USP37: variants seen among roughly 807,000 people sequenced by gnomAD.
The protein encoded by USP37 is ubiquitin carboxyl-terminal hydrolase 37.
USP37 carries 27 observed loss-of-function variants against 124.0 expected under a neutral mutation model. That is an observed-to-expected ratio of 0.22 (90% CI 0.16 to 0.30). The LOEUF is 0.30. Among genes scored for constraint, USP37 ranks in the 10% least tolerant of loss-of-function variants. The pLI, the probability that USP37 is intolerant of heterozygous loss-of-function variation, is 1.00. For synonymous variants in USP37, 365 were observed against 388.0 expected, an observed-to-expected ratio of 0.94 and a Z score of 0.70; for missense variants, 889 against 1,140.4, an observed-to-expected ratio of 0.78 and a Z score of 3.17.
In USP37 at chr2:218,455,616, C is replaced by T; in HGVS notation, c.2816G>A (p.Arg939Gln). The change falls in exon 25 of 26, where the codon CGA becomes CAA. Residue 939 changes from arginine to glutamine, a missense_variant. By Grantham distance (43) the Arg-to-Gln change is conservative. This residue lies in a region of USP37 where 504 missense variants were observed against 714.3 expected (regional missense o/e 0.71). Transcript: ENST00000258399. ...AAAGAAGATGTAGCCACTCCGATCT[C>T]GATCACTCTGCACGGCAGCCTCTTG... Reference protein sequence around the residue: ...KIQEAAVQSDRDRSGYIFFYM... With the variant: ...KIQEAAVQSDQDRSGYIFFYM... The T allele has an allele frequency of 6.2e-7, 1 of 1,614,060 alleles. No individual in the cohort carries two copies. Among genetic ancestry groups the T allele is most frequent in the Non-Finnish European group, 8.5e-7 (1 of 1,179,998 alleles).
At chr2:218,546,339 A>G (rs2106043766) in intron 7 of USP37, 41 bp from the exon 8 acceptor site, 1 of 1,446,622 alleles carries the variant, frequency 6.9e-7, no homozygotes, top group East Asian at 2.3e-5. Flanking sequence ...AAAAGCCACA[A>G]TTCATATCAC....
In USP37 at chr2:218,527,239, A is replaced by T. The variant is rs567091128; in HGVS notation, c.863+2717T>A. 2.0e-5 allele frequency among the ~76,000 whole-genome samples: 3 copies of T among 152,276 alleles called. No individual in the cohort carries two copies. In the South Asian group the frequency reaches 6.2e-4, roughly 32 times the overall value. Reference sequence around the variant, plus strand: ...TGCAGGTAACAGTAAAGCAGAGGCTAATCATTGTTGTCCCATTTTCATGTC... The same window carrying T: ...TGCAGGTAACAGTAAAGCAGAGGCTTATCATTGTTGTCCCATTTTCATGTC... On this transcript the variant is annotated intron_variant, in intron 10 of 25. Coordinates refer to ENST00000258399, the MANE Select transcript of USP37 (RefSeq NM_020935.3).
chr2:218,543,285 T>C (rs950547549), intron 8 of USP37, among the ~76,000 whole-genome samples: 9 of 149,234 alleles, frequency 6.0e-5, no homozygotes, highest in African/African-American at 2.2e-4. Flanking sequence ...GCAGATCACC[T>C]GAGCTCAGAA....
At chr2:218,460,399 C>T (rs542464840) in intron 22 of USP37, among the ~76,000 whole-genome samples, 109 of 152,086 alleles carry the variant, frequency 7.2e-4, no homozygotes, top group African/African-American at 2.3e-3. Flanking sequence ...GTGGGGAACA[C>T]GGGAGACATG....
At chr2:218,474,946 T>G (rs1196107702) in intron 19 of USP37, 61 bp from the exon 20 acceptor site, 1 of 1,516,630 alleles carries the variant, frequency 6.6e-7, no homozygotes. Context: ...CAATCTTAAT[T>G]AGTATTTAAA....
intron 14 of USP37, among the ~76,000 whole-genome samples, chr2:218,489,433 C>T (rs1691789013): frequency 6.6e-6 from 1 of 151,836 alleles, no homozygotes; most frequent in South Asian, 2.1e-4. Context: ...AGCCCCCTTG[C>T]ACATATCCTT....
rs963851146 is a variant in USP37 at position 218,454,062 on chromosome 2, G to A, written c.*868C>T. ...TTTGGTTGCAATCCATTAGGGTAAT[G>A]CTGCTCCATGGCAGAATGACAAAAA... On this transcript the variant is annotated 3_prime_UTR_variant, in exon 26 of 26. Coordinates refer to ENST00000258399, the MANE Select transcript of USP37 (RefSeq NM_020935.3). The A allele has an allele frequency of 2.0e-5, 3 of 152,518 alleles. No homozygotes were observed. The highest frequency in any genetic ancestry group is 4.4e-5 in the Non-Finnish European group (3 of 68,042). The allele number at this position is 152,518 out of a possible 1,614,324, so 9.4% of individuals were successfully genotyped here. A position where few individuals can be genotyped will look rare whatever the true frequency, so the allele number is the denominator to read the frequency against.
chr2:218,456,929 C>A (rs558962784), intron 24 of USP37, among the ~76,000 whole-genome samples, 163 bp downstream of exon 24: 14 of 151,486 alleles, frequency 9.2e-5, no homozygotes, highest in African/African-American at 3.2e-4. Context: ...GAGATTGTGC[C>A]ACTACACTCC....
intron 14 of USP37, among the ~76,000 whole-genome samples, chr2:218,491,787 T>C (rs77742192): frequency 0.012 from 1,868 of 152,146 alleles, 38 homozygotes; most frequent in African/African-American, 0.042. Context: ...AGGAAATACA[T>C]AGTAGGGAAG....
chr2:218,493,894 T>TA (rs1199573489), intron 14 of USP37, among the ~76,000 whole-genome samples: 1 of 152,040 alleles, frequency 6.6e-6, no homozygotes, highest in Non-Finnish European at 1.5e-5. Context: ...AATTTTCCTA[T>TA]AAAAAAAATT....
rs1223623944 is a variant in USP37 at position 218,452,998 on chromosome 2, A to G, written c.*1932T>C. ...AAACAAATATTTTCCTCTGCTCTAA[A>G]CTACTCTGGCGTTTTCTACCACTCT... On this transcript the variant is annotated 3_prime_UTR_variant, in exon 26 of 26. Transcript: ENST00000258399. The G allele has an allele frequency of 6.6e-6, 1 of 152,100 alleles. No individual in the cohort carries two copies. The highest frequency in any genetic ancestry group is 1.5e-5 in the Non-Finnish European group (1 of 68,012). 9.4% of individuals were successfully genotyped at this position (152,100 alleles called of 1,614,324 possible). A position where few individuals can be genotyped will look rare whatever the true frequency, so the allele number is the denominator to read the frequency against.
chr2:218,460,251 T>C (rs2106406305), intron 22 of USP37, among the ~76,000 whole-genome samples: 1 of 149,500 alleles, frequency 6.7e-6, no homozygotes, highest in South Asian at 2.1e-4. Flanking sequence ...AGAGCAAAAC[T>C]CTGTCCCAAA....
At position 218,451,462 on chromosome 2, in the gene USP37, AAGGAAAATAT is replaced by A. The variant is rs1424171855; in HGVS notation, c.*3458_*3467del. 1 of 152,202 alleles carries A rather than the reference AAGGAAAATAT, an allele frequency of 6.6e-6. No individual in the cohort carries two copies. The highest frequency in any genetic ancestry group is 1.5e-5 in the Non-Finnish European group (1 of 68,046). 9.4% of individuals were successfully genotyped at this position (152,202 alleles called of 1,614,324 possible). On this transcript the variant is annotated 3_prime_UTR_variant, in exon 26 of 26. Transcript: ENST00000258399. ...ACTGCAGTCATTTCAGAGGACAGAGAAGGAAAATATTTTAATTTGCTTTAATATAACCTCT... is the reference window on the plus strand; with the variant it reads ...ACTGCAGTCATTTCAGAGGACAGAGATTTAATTTGCTTTAATATAACCTCT...
chr2:218,480,810 T>A (rs779839496), intron 17 of USP37, among the ~76,000 whole-genome samples: 1 of 152,180 alleles, frequency 6.6e-6, no homozygotes, highest in Non-Finnish European at 1.5e-5. Flanking sequence ...GCAAGAGTAA[T>A]AGCTCTACCA....
At chr2:218,513,973 C>T (rs1418847132) in intron 10 of USP37, among the ~76,000 whole-genome samples, 1 of 151,110 alleles carries the variant, frequency 6.6e-6, no homozygotes, top group African/African-American at 2.5e-5. Flanking sequence ...CCACGCCCTG[C>T]TAATTTTTTT....
intron 10 of USP37, chr2:218,528,250 T>A (rs1390543050): frequency 1.3e-5 from 2 of 152,304 alleles, no homozygotes; most frequent in Non-Finnish European, 2.9e-5. Flanking sequence ...ATAGCATGTA[T>A]ATTATAGACT....
intron 9 of USP37, 45 bp from the exon 10 acceptor site, chr2:218,530,085 C>T (rs190293250): frequency 1.4e-6 from 2 of 1,452,926 alleles, no homozygotes; most frequent in African/African-American, 2.8e-5. Flanking sequence ...CCTAAATCAA[C>T]CATTCAAGTT....
intron 14 of USP37, among the ~76,000 whole-genome samples, chr2:218,493,628 G>C (rs1012772307): frequency 6.6e-6 from 1 of 152,080 alleles, no homozygotes; most frequent in Non-Finnish European, 1.5e-5. Context: ...GCACCACCAC[G>C]CCTGGCTAAT....
At chr2:218,477,758 T>A (rs972593575) in intron 18 of USP37, among the ~76,000 whole-genome samples, 1 of 152,258 alleles carries the variant, frequency 6.6e-6, no homozygotes, top group African/African-American at 2.4e-5. Flanking sequence ...ACTTAAATTA[T>A]CCTTAGTTAT....
Sources: allele counts gnomAD v4.1 joint callset (sites outside exome capture counted in the v4.1 genomes callset), GRCh38; gene constraint gnomAD v4.1.1; regional missense constraint gnomAD v4.1.1; transcripts MANE v1.5; gene names NCBI Gene and HGNC (gene_info 2026-07-23, HGNC 2026-07-21).